EXT1: variants seen among roughly 807,000 people sequenced by gnomAD.
EXT1 encodes the protein exostosin-1.
In EXT1, 20 loss-of-function variants were observed where a neutral mutation model predicts 82.5. The ratio of observed to expected loss-of-function variants is 0.24; its 90% CI spans 0.17 to 0.35. The LOEUF (loss-of-function observed/expected upper bound fraction) is 0.35. Ranked by LOEUF, EXT1 falls within the 10% of genes least tolerant of loss-of-function variation. The probability of loss-of-function intolerance (pLI) is 1.00; values close to 1 mark genes in which losing one functional copy is unlikely to be tolerated. For synonymous variants in EXT1, 348 were observed against 350.8 expected (o/e 0.99, Z 0.09); for missense variants, 757 against 936.5 (o/e 0.81, Z 2.50).
chr8:117,986,835 C>T (rs1416378830), intron 1 of EXT1, among the ~76,000 whole-genome samples: 2 of 152,298 alleles, frequency 1.3e-5, no homozygotes, highest in African/African-American at 2.4e-5. Flanking sequence ...AGAACCTGCT[C>T]ATGTTGAGTA....
intron 1 of EXT1, among the ~76,000 whole-genome samples, chr8:117,873,007 T>G (rs1777721908): frequency 6.6e-6 from 1 of 152,170 alleles, no homozygotes; most frequent in Non-Finnish European, 1.5e-5. Context: ...TATGTTGAAA[T>G]CCTAACCCAA....
intron 1 of EXT1, among the ~76,000 whole-genome samples, chr8:118,031,480 G>A (rs1327284053): frequency 1.3e-5 from 2 of 151,518 alleles, no homozygotes; most frequent in South Asian, 4.2e-4. Context: ...AGCTGAGATC[G>A]AGTCATTGTA....
intron 9 of EXT1, 124 bp downstream of exon 9, chr8:117,807,093 A>T: frequency 1.7e-6 from 2 of 1,169,350 alleles, no homozygotes; most frequent in Non-Finnish European, 2.6e-6. Context: ...AGCAAAACTT[A>T]AGCGGGGATA....
chr8:118,093,268 CAAAAAA>C lies in EXT1; in HGVS notation c.962+16811_962+16816del, dbSNP rs10594150. ...CCACATGCTCCAGAAAAATTCCCAG[CAAAAAA>C]AAAAAAAAAAAAAAAAGATTTGAAA... is the stretch of plus-strand genomic sequence containing the variant. On this transcript the variant is annotated intron_variant, in intron 1 of 10. Coordinates refer to ENST00000378204, the MANE Select transcript of EXT1 (RefSeq NM_000127.3). Among the ~76,000 whole-genome samples the C allele has an allele frequency of 1.2e-4, 8 of 66,796 alleles. No homozygotes were observed. In the South Asian group the frequency reaches 1.7e-3, roughly 15 times the overall value. 43.8% of individuals were successfully genotyped at this position (66,796 alleles called of 152,430 possible).
intron 7 of EXT1, among the ~76,000 whole-genome samples, chr8:117,814,107 A>G (rs1038719993): frequency 8.6e-5 from 13 of 151,962 alleles, no homozygotes; most frequent in African/African-American, 3.1e-4. Context: ...GAAGGAGAAG[A>G]AGAAGAAAAA....
intron 1 of EXT1, among the ~76,000 whole-genome samples, chr8:118,041,465 G>C (rs1005519351): frequency 6.6e-6 from 1 of 152,034 alleles, no homozygotes; most frequent in Admixed American, 6.6e-5. Context: ...TAGGAGTAGG[G>C]ATAATAATAG....
At chr8:117,849,001 C>A (rs1308472102) in intron 1 of EXT1, among the ~76,000 whole-genome samples, 1 of 152,214 alleles carries the variant, frequency 6.6e-6, no homozygotes, top group Non-Finnish European at 1.5e-5. Context: ...ACATCTCTGA[C>A]TGCCCCATCC....
chr8:118,015,867 C>T lies in EXT1; in HGVS notation c.962+94218G>A, dbSNP rs17453784. ...GAAAGAGACACAAAGAAGAGAATGC[C>T]ATGTGAAGACAGAGAGAGATGCACA... On this transcript the variant is annotated intron_variant, in intron 1 of 10. Transcript: ENST00000378204. 6.5e-3 allele frequency among the ~76,000 whole-genome samples: 984 copies of T among 152,232 alleles called. 5 individuals carry two copies. The highest frequency in any genetic ancestry group is 0.019 in the South Asian group (93 of 4,814).
At chr8:117,809,510 G>A (rs993426091) in intron 8 of EXT1, among the ~76,000 whole-genome samples, 2 of 151,492 alleles carry the variant, frequency 1.3e-5, no homozygotes, top group African/African-American at 2.4e-5. Flanking sequence ...GGTGTTGCAC[G>A]CCTGTAATTC....
intron 1 of EXT1, among the ~76,000 whole-genome samples, chr8:117,984,377 C>T (rs1157499541): frequency 1.3e-5 from 2 of 150,796 alleles, no homozygotes; most frequent in Non-Finnish European, 2.9e-5. Flanking sequence ...TGAAGTGAGC[C>T]GCAATCATGC....
intron 1 of EXT1, among the ~76,000 whole-genome samples, chr8:117,966,583 C>G (rs551879065): frequency 6.6e-6 from 1 of 152,194 alleles, no homozygotes; most frequent in South Asian, 2.1e-4. Context: ...TGACTACTCT[C>G]ATATACTAAG....
chr8:117,942,373 C>A (rs538474829), intron 1 of EXT1, among the ~76,000 whole-genome samples: 26 of 152,210 alleles, frequency 1.7e-4, no homozygotes, highest in Non-Finnish European at 2.6e-4. Flanking sequence ...TGTCTTTATA[C>A]CCCCAGAACC....
chr8:117,888,371 G>A (rs954859985), intron 1 of EXT1, among the ~76,000 whole-genome samples: 3 of 152,134 alleles, frequency 2.0e-5, no homozygotes, highest in Non-Finnish European at 2.9e-5. Context: ...CCTTGTGGAT[G>A]GAGACAGCAT....
At chr8:117,858,864 A>AG (rs1403889168) in intron 1 of EXT1, among the ~76,000 whole-genome samples, 5 of 47,294 alleles carry the variant, frequency 1.1e-4, no homozygotes, top group African/African-American at 2.6e-4. Context: ...AAAGAAAGAA[A>AG]GAAAGAAAGA....
chr8:117,811,234 A>G (rs1823317016), intron 8 of EXT1, among the ~76,000 whole-genome samples: 1 of 152,222 alleles, frequency 6.6e-6, no homozygotes, highest in Non-Finnish European at 1.5e-5. Context: ...GACCAGGACA[A>G]AGAAATCTCT....
intron 1 of EXT1, among the ~76,000 whole-genome samples, chr8:117,945,022 C>T (rs906586462): frequency 1.6e-4 from 24 of 152,146 alleles, no homozygotes; most frequent in Middle Eastern, 3.4e-3. Context: ...ATTAGCCGGG[C>T]GCGGTGGTGG....
At chr8:117,897,962 G>A (rs1346941188) in intron 1 of EXT1, among the ~76,000 whole-genome samples, 2 of 152,056 alleles carry the variant, frequency 1.3e-5, no homozygotes, top group African/African-American at 4.8e-5. Context: ...CACCTCATAG[G>A]TAAGAATATT....
chr8:117,954,987 A>G (rs950582376), intron 1 of EXT1, among the ~76,000 whole-genome samples: 13 of 152,200 alleles, frequency 8.5e-5, no homozygotes, highest in African/African-American at 3.1e-4. Context: ...CCAACTGCCT[A>G]CAAGTCAGGG....
chr8:117,945,075 C>T (rs1348457402), intron 1 of EXT1, among the ~76,000 whole-genome samples: 4 of 152,164 alleles, frequency 2.6e-5, no homozygotes, highest in Admixed American at 1.3e-4. Context: ...GGCAGGAGAA[C>T]GGCGTGAACC....
Sources: allele counts gnomAD v4.1 joint callset (sites outside exome capture counted in the v4.1 genomes callset), GRCh38; gene constraint gnomAD v4.1.1; transcripts MANE v1.5; gene names NCBI Gene and HGNC (gene_info 2026-07-23, HGNC 2026-07-21).